CRAMP1: variants seen among roughly 807,000 people sequenced by gnomAD.
CRAMP1 encodes the protein cramped chromatin regulator 1.
In CRAMP1, 50 loss-of-function variants were observed where a neutral mutation model predicts 115.4. The ratio of observed to expected loss-of-function variants is 0.43; its 90% CI spans 0.35 to 0.55. The LOEUF (loss-of-function observed/expected upper bound fraction) is 0.55. Among genes scored for constraint, CRAMP1 ranks in the 20% least tolerant of loss-of-function variants. The probability of loss-of-function intolerance (pLI) is 0.01; values close to 1 mark genes in which losing one functional copy is unlikely to be tolerated. For synonymous variants in CRAMP1, 866 were observed against 745.4 expected, an observed-to-expected ratio of 1.16 and a Z score of -2.64; for missense variants, 1,679 against 1,721.7, an observed-to-expected ratio of 0.98 and a Z score of 0.44.
In CRAMP1 at chr16:1,674,529, G is replaced by A; in HGVS notation, c.*484G>A. Reference sequence around the variant, plus strand: ...GCTGTGCCCTCTGTGGACTGTAACGGGCAGGACAGTTGGGTGTGGCCTGGG... The same window carrying A: ...GCTGTGCCCTCTGTGGACTGTAACGAGCAGGACAGTTGGGTGTGGCCTGGG... On this transcript the variant is annotated 3_prime_UTR_variant, in exon 21 of 21. Transcript: ENST00000397412. 6.0e-6 allele frequency: 1 copy of A among 165,294 alleles called. No homozygotes were observed. The highest frequency in any genetic ancestry group is 1.3e-5 in the Non-Finnish European group (1 of 75,734). 10.2% of individuals were successfully genotyped at this position (165,294 alleles called of 1,614,324 possible).
At position 1,666,498 on chromosome 16, in the gene CRAMP1, G is replaced by C. The variant is rs780863297; in HGVS notation, c.2934G>C (p.Leu978Phe). The change falls in exon 16 of 21, where the codon TTG becomes TTC. Residue 978 changes from leucine (L) to phenylalanine (F), a missense_variant. Coordinates refer to ENST00000397412, the MANE Select transcript of CRAMP1 (RefSeq NM_020825.4). This position sits in a 1 kb window ranked among gnomAD's most constrained non-coding sequence, Gnocchi z 5.0. ...NPLPALDTEGLSGISPLSSDE... is the reference protein window; with the variant it reads ...NPLPALDTEGFSGISPLSSDE... ...TCCCTGCCTTGGACACCGAGGGCTT[G>C]TCTGGCATCTCTCCACTGTCTTCAG... The C allele has an allele frequency of 4.3e-6, 7 of 1,613,856 alleles. No individual in the cohort carries two copies. In the Admixed American group the frequency reaches 1.2e-4, roughly 27 times the overall value.
rs541385405 is a variant in CRAMP1 at position 1,674,435 on chromosome 16, G to T, written c.*390G>T. 2.4e-4 allele frequency: 53 copies of T among 219,420 alleles called. No homozygotes were observed. Among genetic ancestry groups the T allele is most frequent in the African/African-American group, 1.2e-3 (53 of 43,532 alleles). 13.6% of individuals were successfully genotyped at this position (219,420 alleles called of 1,614,324 possible). A position where few individuals can be genotyped will look rare whatever the true frequency, so the allele number is the denominator to read the frequency against. ...GTAGTTGCTGTGCACTAGGAGCTGTGATCTCCCTCTCTGCAGGGAGGCCCC... is the reference window on the plus strand; with the variant it reads ...GTAGTTGCTGTGCACTAGGAGCTGTTATCTCCCTCTCTGCAGGGAGGCCCC... On this transcript the variant is annotated 3_prime_UTR_variant, in exon 21 of 21. Transcript: ENST00000397412.
intron 4 of CRAMP1, among the ~76,000 whole-genome samples, chr16:1,633,074 C>T (rs890255387): frequency 6.6e-6 from 1 of 152,248 alleles, no homozygotes; most frequent in Non-Finnish European, 1.5e-5. Context: ...GAGCACCCCT[C>T]TGCCTTCTGA....
chr16:1,658,577 G>C (rs2036796361), intron 10 of CRAMP1, among the ~76,000 whole-genome samples: 1 of 152,188 alleles, frequency 6.6e-6, no homozygotes, highest in Admixed American at 6.5e-5. Flanking sequence ...AGACAGACAG[G>C]TGCCTGATGC....
At chr16:1,638,677 C>T (rs2036607990) in intron 5 of CRAMP1, among the ~76,000 whole-genome samples, 1 of 152,118 alleles carries the variant, frequency 6.6e-6, no homozygotes, top group African/African-American at 2.4e-5. Flanking sequence ...GTAGGGGATC[C>T]CCCCCTCTTC....
chr16:1,647,401 T>C (rs2036684840), intron 6 of CRAMP1, among the ~76,000 whole-genome samples: 1 of 152,166 alleles, frequency 6.6e-6, no homozygotes, highest in South Asian at 2.1e-4. Flanking sequence ...TTACTCTGTT[T>C]TCGATTCAGA....
intron 5 of CRAMP1, among the ~76,000 whole-genome samples, chr16:1,638,557 G>A (rs537311153): frequency 4.6e-5 from 7 of 152,304 alleles, no homozygotes; most frequent in African/African-American, 1.4e-4. Context: ...ACGACCTCTA[G>A]GTAGGGACAT....
intron 4 of CRAMP1, among the ~76,000 whole-genome samples, chr16:1,635,472 G>A (rs996860927): frequency 6.6e-6 from 1 of 152,226 alleles, no homozygotes; most frequent in African/African-American, 2.4e-5. Context: ...CCCTGAGTGT[G>A]TAATAAAACA....
chr16:1,646,884 G>A (rs928978508), intron 6 of CRAMP1, among the ~76,000 whole-genome samples: 1 of 152,242 alleles, frequency 6.6e-6, no homozygotes, highest in African/African-American at 2.4e-5. Context: ...GTGTCAAGCT[G>A]TGCCATCTGA....
chr16:1,655,929 A>G lies in CRAMP1; in HGVS notation c.1172A>G (p.Gln391Arg). 6.2e-7 allele frequency: 1 copy of G among 1,613,082 alleles called. No individual in the cohort carries two copies. Among genetic ancestry groups the G allele is most frequent in the South Asian group, 1.1e-5 (1 of 91,086 alleles). Reference sequence around the variant, plus strand: ...CAGGACTCATGCTCCGCACCGATGCAGGAGAAGGTGACACTGCACTTGTTC... The same window carrying G: ...CAGGACTCATGCTCCGCACCGATGCGGGAGAAGGTGACACTGCACTTGTTC... ...QLQDSCSAPMQEKVTLHLFPG... is the reference protein window; with the variant it reads ...QLQDSCSAPMREKVTLHLFPG... The change falls in exon 10 of 21, where the codon CAG becomes CGG. Residue 391 changes from glutamine to arginine, a missense_variant. This residue lies in a region of CRAMP1 where 191 missense variants were observed against 236.2 expected (regional missense o/e 0.81). Coordinates refer to ENST00000397412, the MANE Select transcript of CRAMP1 (RefSeq NM_020825.4).
chr16:1,627,330 G>A (rs2036516115), intron 3 of CRAMP1, among the ~76,000 whole-genome samples: 1 of 152,156 alleles, frequency 6.6e-6, no homozygotes, highest in African/African-American at 2.4e-5. Flanking sequence ...TATTTTAGTT[G>A]AGACGGAGTT....
chr16:1,661,024 C>T (rs1325574381), intron 11 of CRAMP1, among the ~76,000 whole-genome samples: 1 of 150,838 alleles, frequency 6.6e-6, no homozygotes, highest in East Asian at 2.0e-4. Flanking sequence ...CAAAAAAAAA[C>T]AATGAGTTTT....
chr16:1,664,377 G>A (rs116899413), intron 13 of CRAMP1, among the ~76,000 whole-genome samples: 152 of 152,314 alleles, frequency 1.0e-3, no homozygotes, highest in Non-Finnish European at 1.7e-3. Flanking sequence ...CATGTGTGAG[G>A]AAGCCCAGAA....
rs774850278 is a variant in CRAMP1 at position 1,666,130 on chromosome 16, C to T, written c.2810C>T (p.Pro937Leu). The change falls in exon 15 of 21, where the codon CCG becomes CTG. Residue 937 changes from proline (P) to leucine (L), a missense_variant. Pro to Leu is a moderately conservative substitution (Grantham distance 98, BLOSUM62 -3). Around this residue, in one of 8 missense-constraint regions of CRAMP1, gnomAD observed 709 missense variants for 741.9 expected, o/e 0.96. Transcript: ENST00000397412. The surrounding 1 kb of genome is among the most constrained non-coding windows in gnomAD (Gnocchi z 5.0). ...SSLTKAALSR[P>L]IVPKVLPPQA... Reference sequence around the variant, plus strand: ...CTGACCAAAGCAGCTCTGTCTCGGCCGATCGTGCCCAAGGTCCTTCCACCC... The same window carrying T: ...CTGACCAAAGCAGCTCTGTCTCGGCTGATCGTGCCCAAGGTCCTTCCACCC... 11 of 1,611,410 alleles carry T rather than the reference C, an allele frequency of 6.8e-6. No homozygotes were observed. The highest frequency in any genetic ancestry group is 2.2e-5 in the South Asian group (2 of 90,356).
In CRAMP1 at chr16:1,656,476, C is replaced by G; in HGVS notation, c.1719C>G (p.Val573=). 2 of 1,579,554 alleles carry G rather than the reference C, an allele frequency of 1.3e-6. No homozygotes were observed. The highest frequency in any genetic ancestry group is 1.7e-6 in the Non-Finnish European group (2 of 1,163,526). Residue 573 remains valine (V), a synonymous_variant, in exon 10 of 21, where the codon GTC becomes GTG. Coordinates refer to ENST00000397412, the MANE Select transcript of CRAMP1 (RefSeq NM_020825.4). This position sits in a 1 kb window ranked among gnomAD's most constrained non-coding sequence, Gnocchi z 5.6. ...RYLKSCQDLI[V]PEQCRCADTR... is the part of the protein sequence containing the mutation. ...TAAAGTCCTGTCAGGACCTCATTGT[C>G]CCCGAGCAGTGCCGCTGTGCGGACA...
At chr16:1,627,845 C>T (rs566032440) in intron 3 of CRAMP1, among the ~76,000 whole-genome samples, 1 of 152,266 alleles carries the variant, frequency 6.6e-6, no homozygotes, top group East Asian at 1.9e-4. Flanking sequence ...CTTGGAGGAC[C>T]TGCGATTCCT....
chr16:1,655,163 G>A, intron 8 of CRAMP1, 56 bp from the exon 9 acceptor site: 2 of 1,474,500 alleles, frequency 1.4e-6, no homozygotes, highest in Non-Finnish European at 1.9e-6. Context: ...GGACTCTTCA[G>A]ATGGTTTCCT....
In CRAMP1 at chr16:1,671,634, A is replaced by G. The variant is rs1345571193; in HGVS notation, c.3645+825A>G. 6.6e-6 allele frequency among the ~76,000 whole-genome samples: 1 copy of G among 152,170 alleles called. No homozygotes were observed. Among genetic ancestry groups the G allele is most frequent in the Non-Finnish European group, 1.5e-5 (1 of 68,036 alleles). ...TCCGCATGGGCTTAGCCCATGTGAAAGTCCTGGAGCAGCATTCCCCGAATC... is the reference window on the plus strand; with the variant it reads ...TCCGCATGGGCTTAGCCCATGTGAAGGTCCTGGAGCAGCATTCCCCGAATC... On this transcript the variant is annotated intron_variant, in intron 20 of 20. Coordinates refer to ENST00000397412, the MANE Select transcript of CRAMP1 (RefSeq NM_020825.4). The surrounding 1 kb of genome is among the most constrained non-coding windows in gnomAD (Gnocchi z 5.0).
intron 14 of CRAMP1, among the ~76,000 whole-genome samples, chr16:1,665,437 T>C (rs182092712): frequency 6.6e-6 from 1 of 152,298 alleles, no homozygotes; most frequent in East Asian, 1.9e-4. Context: ...CTCTGTGTAA[T>C]GTCTTGTCAG....
Sources: allele counts gnomAD v4.1 joint callset (sites outside exome capture counted in the v4.1 genomes callset), GRCh38; gene constraint gnomAD v4.1.1; regional missense constraint gnomAD v4.1.1; non-coding constraint Gnocchi (gnomAD v3.1); transcripts MANE v1.5; gene names NCBI Gene and HGNC (gene_info 2026-07-23, HGNC 2026-07-21).